Variants in PRDM15 observed in about 807,000 individuals in gnomAD.
PRDM15 encodes the protein PR domain zinc finger protein 15.
PRDM15 carries 64 observed loss-of-function variants against 128.6 expected under a neutral mutation model. The ratio of observed to expected loss-of-function variants is 0.50; its 90% CI spans 0.41 to 0.61. PRDM15 has a LOEUF of 0.61. Ranked by LOEUF, PRDM15 falls within the 20% of genes least tolerant of loss-of-function variation. PRDM15 has a pLI of 0.00. For missense variants in PRDM15, 1,242 were observed against 1,569.1 expected (o/e 0.79, Z 3.52); for synonymous variants, 615 against 621.8 (o/e 0.99, Z 0.16).
chr21:41,803,121 T>A (rs980835141), intron 22 of PRDM15, 200 bp from the exon 23 acceptor site: 247 of 515,732 alleles, frequency 4.8e-4, no homozygotes, highest in Non-Finnish European at 7.8e-4. Context: ...GTTGCAGATT[T>A]AAAAAAAAAA....
intron 14 of PRDM15, 90 bp downstream of exon 14, chr21:41,823,228 C>T (rs1394337655): frequency 1.5e-5 from 23 of 1,516,902 alleles, no homozygotes; most frequent in East Asian, 1.2e-4. Context: ...CTGCCCTGCC[C>T]ACAGAACTCT....
At chr21:41,877,154 T>C (rs1241422225) in intron 1 of PRDM15, 1 of 152,634 alleles carries the variant, frequency 6.6e-6, no homozygotes, top group Non-Finnish European at 1.5e-5. Context: ...ACAGCACTGG[T>C]CTCCACTGTG....
At position 41,857,329 on chromosome 21, in the gene PRDM15, C is replaced by T. The variant is rs111399562; in HGVS notation, c.132G>A (p.Arg44=). 5.0e-6 allele frequency: 8 copies of T among 1,613,602 alleles called. 1 individual carries two copies. In the African/African-American group the frequency reaches 5.3e-5, roughly 11 times the overall value. ...VKDSFVLSRA[R]SSLPPNLEIR... Reference sequence around the variant, plus strand: ...TCTCCAAGTTGGGAGGAAGGGATGACCTGGAAATGGAATAAAACAAGACTC... The same window carrying T: ...TCTCCAAGTTGGGAGGAAGGGATGATCTGGAAATGGAATAAAACAAGACTC... Residue 44 remains arginine (R), a splice_region_variant and synonymous_variant, in exon 4 of 24, where the codon AGG becomes AGA. Coordinates refer to ENST00000398548, the MANE Select transcript of PRDM15 (RefSeq NM_001040424.3).
chr21:41,863,026 A>G (rs2063875357), intron 1 of PRDM15, among the ~76,000 whole-genome samples: 1 of 151,950 alleles, frequency 6.6e-6, no homozygotes, highest in African/African-American at 2.4e-5. Flanking sequence ...AAAACTAGCC[A>G]GGCGCGGTGG....
chr21:41,860,623 A>G (rs1362579776), intron 1 of PRDM15, among the ~76,000 whole-genome samples: 2 of 152,022 alleles, frequency 1.3e-5, no homozygotes, highest in Admixed American at 6.6e-5. Flanking sequence ...GGGTTTCACC[A>G]TGTTGGCCAG....
chr21:41,841,207 A>G (rs2063064534), intron 6 of PRDM15, among the ~76,000 whole-genome samples: 2 of 152,224 alleles, frequency 1.3e-5, no homozygotes, highest in African/African-American at 4.8e-5. Context: ...AAAGACATAA[A>G]TGATGACTCT....
At chr21:41,874,525 A>ATATATATATTTTTTTTTT in intron 1 of PRDM15, among the ~76,000 whole-genome samples, 11 of 95,826 alleles carry the variant, frequency 1.1e-4, no homozygotes, top group South Asian at 4.0e-4. Context: ...ATATATATAT[A>ATATATATATTTTTTTTTT]TTTTTTTTTT....
intron 12 of PRDM15, 111 bp from the exon 13 acceptor site, chr21:41,826,165 GC>G: frequency 2.5e-6 from 2 of 812,544 alleles, no homozygotes; most frequent in Non-Finnish European, 4.1e-6. Flanking sequence ...GGACAGGGCT[GC>G]CCACAGTGGG....
At chr21:41,820,916 G>C in intron 16 of PRDM15, 151 bp downstream of exon 16, 8 of 971,310 alleles carry the variant, frequency 8.2e-6, no homozygotes, top group Admixed American at 1.9e-5. Flanking sequence ...AGCTGCCCCC[G>C]AGCCCTGCTG....
intron 23 of PRDM15, 44 bp downstream of exon 23, chr21:41,802,668 G>T (rs2061447172): frequency 1.3e-6 from 2 of 1,530,316 alleles, no homozygotes; most frequent in Non-Finnish European, 1.8e-6. Flanking sequence ...CATGCTTAGG[G>T]AAAGTGACCG....
intron 3 of PRDM15, among the ~76,000 whole-genome samples, chr21:41,858,657 C>T (rs890432837): frequency 2.6e-5 from 4 of 152,186 alleles, no homozygotes; most frequent in Non-Finnish European, 4.4e-5. Context: ...GGCAGGAGGC[C>T]GCTGAGACAA....
In PRDM15 at chr21:41,820,092, C is replaced by T. The variant is rs773689126; in HGVS notation, c.2140+3G>A. ...GGGACCCCAAATGCTGACAGACACG[C>T]ACCTGTGTGGATGAGCTTGTGGCGC... On this transcript the variant is annotated splice_donor_region_variant and intron_variant, in intron 17 of 23. Transcript: ENST00000398548. 6.2e-7 allele frequency: 1 copy of T among 1,613,536 alleles called. No homozygotes were observed. The highest frequency in any genetic ancestry group is 1.1e-5 in the South Asian group (1 of 91,062).
At chr21:41,870,536 G>A (rs1457526386) in intron 1 of PRDM15, 1 of 152,184 alleles carries the variant, frequency 6.6e-6, no homozygotes, top group Admixed American at 6.5e-5. Context: ...CCTGAAAAAT[G>A]CTGTGGGTGG....
chr21:41,868,967 C>A (rs914721476), intron 1 of PRDM15, among the ~76,000 whole-genome samples: 3 of 152,298 alleles, frequency 2.0e-5, no homozygotes, highest in South Asian at 2.1e-4. Flanking sequence ...GGATTCCAGG[C>A]ATGAGCCACT....
chr21:41,805,789 C>A (rs113812531), intron 21 of PRDM15, among the ~76,000 whole-genome samples: 1 of 146,170 alleles, frequency 6.8e-6, no homozygotes, highest in South Asian at 2.2e-4. Context: ...ACCAACACCA[C>A]CACCACCAAC....
intron 7 of PRDM15, among the ~76,000 whole-genome samples, chr21:41,839,014 G>T (rs944584685): frequency 6.6e-6 from 1 of 152,202 alleles, no homozygotes; most frequent in African/African-American, 2.4e-5. Flanking sequence ...GGCTTGGATG[G>T]GGGCTGTGTG....
At position 41,801,705 on chromosome 21, in the gene PRDM15, AC is replaced by A; in HGVS notation, c.2960del (p.Gly987ValfsTer5). On this transcript the variant is annotated frameshift_variant, in exon 24 of 24. Coordinates refer to ENST00000398548, the MANE Select transcript of PRDM15 (RefSeq NM_001040424.3). LOFTEE classifies it high-confidence loss of function. ...QSIQQVVVTL[G>X]DPNVTTPSSS... ...TCGATGGTGTGGTCACATTTGGGTC[AC>A]CCAGGGTCACCACTACCTGGAAGAT... 6.2e-7 allele frequency: 1 copy of A among 1,612,060 alleles called. No individual in the cohort carries two copies.
chr21:41,861,509 G>C, intron 1 of PRDM15: 3 of 1,448,156 alleles, frequency 2.1e-6, no homozygotes, highest in Non-Finnish European at 2.8e-6. Context: ...CACAGTATGT[G>C]CCACCAAATG....
At chr21:41,843,599 C>T (rs2063140677) in intron 6 of PRDM15, among the ~76,000 whole-genome samples, 1 of 152,222 alleles carries the variant, frequency 6.6e-6, no homozygotes, top group South Asian at 2.1e-4. Context: ...CAGGTTTGTG[C>T]CATAGCTCTG....
Sources: allele counts gnomAD v4.1 joint callset (sites outside exome capture counted in the v4.1 genomes callset), GRCh38; gene constraint gnomAD v4.1.1; transcripts MANE v1.5; gene names NCBI Gene and HGNC (gene_info 2026-07-23, HGNC 2026-07-21).